The following ZNF595 variants were observed in gnomAD, a reference collection of about 807,000 sequenced individuals.
ZNF595 encodes zinc finger protein 595.
Under a neutral mutation model 19.4 loss-of-function variants are expected in ZNF595, and 9 were observed. The ratio of observed to expected loss-of-function variants is 0.46; its 90% CI spans 0.28 to 0.81. The LOEUF (loss-of-function observed/expected upper bound fraction) is 0.81. Among genes scored for constraint, ZNF595 ranks in the 30% least tolerant of loss-of-function variants. The pLI is 0.11. For missense variants in ZNF595, 729 were observed against 736.0 expected, an observed-to-expected ratio of 0.99 and a Z score of 0.11; for synonymous variants, 255 against 255.9, an observed-to-expected ratio of 1.00 and a Z score of 0.03.
At position 73,304 on chromosome 4, in the gene ZNF595, A is replaced by G. The variant is rs180730597; in HGVS notation, c.227-12427A>G. ...ATGGCAAAATCAGATTCAGGATTGG[A>G]GAATGTTTCACCCTGACGTCAACCT... On this transcript the variant is annotated intron_variant, in intron 3 of 3. Coordinates refer to ENST00000610261, the MANE Select transcript of ZNF595 (RefSeq NM_182524.4). 9.9e-5 allele frequency among the ~76,000 whole-genome samples: 15 copies of G among 152,240 alleles called. No homozygotes were observed. The East Asian group carries it at 2.9e-3, about 29-fold the overall frequency.
chr4:63,280 T>C (rs1205159660), intron 3 of ZNF595, among the ~76,000 whole-genome samples: 3 of 142,400 alleles, frequency 2.1e-5, no homozygotes, highest in Non-Finnish European at 3.1e-5. Context: ...TCAAGATTGC[T>C]CAGGTTATTT....
intron 3 of ZNF595, among the ~76,000 whole-genome samples, chr4:71,730 T>G (rs1713440274): frequency 6.6e-6 from 1 of 152,178 alleles, no homozygotes. Context: ...AAGATTTTCT[T>G]TCTCCAAATC....
In ZNF595 at chr4:81,899, A is replaced by G. The variant is rs1391823103; in HGVS notation, c.227-3832A>G. Among the ~76,000 whole-genome samples, 3 of 152,070 alleles carry G rather than the reference A, an allele frequency of 2.0e-5. No individual in the cohort carries two copies. The East Asian group carries it at 5.8e-4, about 29-fold the overall frequency. ...GGTGGAGTAATATTTTAATATTTTT[A>G]ATTTATTCATTTATTTGGTGAGAAA... On this transcript the variant is annotated intron_variant, in intron 3 of 3. Coordinates refer to ENST00000610261, the MANE Select transcript of ZNF595 (RefSeq NM_182524.4).
chr4:57,533 A>T (rs1424543448), intron 1 of ZNF595, among the ~76,000 whole-genome samples: 139 of 149,636 alleles, frequency 9.3e-4, no homozygotes, highest in Admixed American at 8.0e-3. Flanking sequence ...ACATTTGAGG[A>T]TGTCCTGTGC....
At chr4:76,080 G>GCAAAAAAC (rs1260711910) in intron 3 of ZNF595, among the ~76,000 whole-genome samples, 1 of 152,032 alleles carries the variant, frequency 6.6e-6, no homozygotes, top group African/African-American at 2.4e-5. Flanking sequence ...TTTTTGTAGA[G>GCAAAAAAC]ATAGGGTTTT....
chr4:66,853 A>C, intron 3 of ZNF595, among the ~76,000 whole-genome samples: 1 of 152,016 alleles, frequency 6.6e-6, no homozygotes, highest in Non-Finnish European at 1.5e-5. Flanking sequence ...TCTGTTCTAA[A>C]AACAGGAAAC....
At chr4:77,163 A>T (rs1553798866) in intron 3 of ZNF595, among the ~76,000 whole-genome samples, 1 of 151,748 alleles carries the variant, frequency 6.6e-6, no homozygotes, top group East Asian at 1.9e-4. Context: ...GGAACTGTCA[A>T]ATGACTTAAT....
chr4:84,248 T>C (rs1714042983), intron 3 of ZNF595, among the ~76,000 whole-genome samples: 1 of 152,188 alleles, frequency 6.6e-6, no homozygotes, highest in African/African-American at 2.4e-5. Context: ...TGCACTATCA[T>C]GATAATGGTA....
At chr4:66,540 CT>C (rs1369568548) in intron 3 of ZNF595, among the ~76,000 whole-genome samples, 3 of 151,508 alleles carry the variant, frequency 2.0e-5, no homozygotes, top group Admixed American at 6.6e-5. Flanking sequence ...ATGTCATAAT[CT>C]TCCTATATTT....
At chr4:66,850 T>C (rs1581332871) in intron 3 of ZNF595, among the ~76,000 whole-genome samples, 1 of 152,080 alleles carries the variant, frequency 6.6e-6, no homozygotes, top group Non-Finnish European at 1.5e-5. Flanking sequence ...TTATCTGTTC[T>C]AAAAACAGGA....
intron 3 of ZNF595, among the ~76,000 whole-genome samples, chr4:75,787 A>G (rs1713632392): frequency 6.8e-6 from 1 of 146,894 alleles, no homozygotes; most frequent in South Asian, 2.1e-4. Flanking sequence ...TGTATCTACT[A>G]CAGATTTTTG....
At chr4:64,866 A>G (rs1581328914) in intron 3 of ZNF595, among the ~76,000 whole-genome samples, 1 of 152,306 alleles carries the variant, frequency 6.6e-6, no homozygotes, top group Admixed American at 6.5e-5. Flanking sequence ...TACCATGTGT[A>G]TGAATGGGAT....
At chr4:65,933 T>A (rs1404339131) in intron 3 of ZNF595, among the ~76,000 whole-genome samples, 3 of 70,014 alleles carry the variant, frequency 4.3e-5, no homozygotes, top group Admixed American at 1.7e-4. Context: ...GTCTCAGGAA[T>A]TTTCTTATAG....
intron 3 of ZNF595, among the ~76,000 whole-genome samples, chr4:77,024 T>TA (rs2108757868): frequency 6.6e-6 from 1 of 152,274 alleles, no homozygotes; most frequent in South Asian, 2.1e-4. Flanking sequence ...ACATTATCTT[T>TA]AAACAAATTT....
chr4:71,643 G>A lies in ZNF595; in HGVS notation c.226+11490G>A, dbSNP rs116102401. On this transcript the variant is annotated intron_variant, in intron 3 of 3. Transcript: ENST00000610261. ...CTGAGGTATAGGGTAGAGCCTCACG[G>A]GAGCAGCTGAGTGCCCTGATGCTAA... 3.7e-3 allele frequency among the ~76,000 whole-genome samples: 559 copies of A among 152,220 alleles called. 5 individuals are homozygous for A. Among genetic ancestry groups the A allele is most frequent in the African/African-American group, 0.013 (546 of 41,510 alleles).
chr4:83,776 A>G (rs1714023270), intron 3 of ZNF595, among the ~76,000 whole-genome samples: 1 of 151,926 alleles, frequency 6.6e-6, no homozygotes, highest in African/African-American at 2.4e-5. Context: ...AGGCTTATTC[A>G]TGTTATTTTA....
At position 74,955 on chromosome 4, in the gene ZNF595, A is replaced by G. The variant is rs78638531; in HGVS notation, c.227-10776A>G. The stretch of plus-strand genomic sequence containing the variant: ...ATGTGCTTCTATATTGGGTATGTAT[A>G]TATTTTTATTTGTTATATTATTTTG... On this transcript the variant is annotated intron_variant, in intron 3 of 3. Transcript: ENST00000610261. Among the ~76,000 whole-genome samples the G allele has an allele frequency of 6.1e-3, 934 of 152,162 alleles. 39 individuals are homozygous for G. In the East Asian group the frequency reaches 0.12, roughly 19 times the overall value.
chr4:78,837 G>A (rs112852621), intron 3 of ZNF595, among the ~76,000 whole-genome samples: 3,890 of 152,258 alleles, frequency 0.026, 88 homozygotes, highest in African/African-American at 0.065. Context: ...GGGATTACAG[G>A]AATGCACCAC....
intron 3 of ZNF595, among the ~76,000 whole-genome samples, chr4:83,619 C>CAAAAAAAAAA (rs71164492): frequency 7.3e-4 from 28 of 38,582 alleles, no homozygotes; most frequent in African/African-American, 1.4e-3. Context: ...GACTCCGTCT[C>CAAAAAAAAAA]AAAAAAAAAA....
Sources: allele counts gnomAD v4.1 joint callset (sites outside exome capture counted in the v4.1 genomes callset), GRCh38; gene constraint gnomAD v4.1.1; transcripts MANE v1.5; gene names NCBI Gene and HGNC (gene_info 2026-07-23, HGNC 2026-07-21).